The following PCDHA7 variants were observed in gnomAD, a reference collection of about 807,000 sequenced individuals.
The protein encoded by PCDHA7 is protocadherin alpha 7.
PCDHA7 carries 37 observed loss-of-function variants against 57.2 expected under a neutral mutation model. The ratio of observed to expected loss-of-function variants is 0.65; its 90% CI spans 0.50 to 0.85. The LOEUF (loss-of-function observed/expected upper bound fraction) is 0.85. PCDHA7 is among the 40% of genes least tolerant of loss of function. The pLI is 0.00. For missense variants in PCDHA7, 1,188 were observed against 1,241.8 expected (o/e 0.96, Z 0.65); for synonymous variants, 553 against 558.8 (o/e 0.99, Z 0.15).
At chr5:140,884,378 A>G (rs781954919) in intron 1 of PCDHA7, 3 of 1,613,952 alleles carry the variant, frequency 1.9e-6, no homozygotes, top group Non-Finnish European at 2.5e-6. Flanking sequence ...GATCATTGCC[A>G]TCTGCGCGGT....
At chr5:140,875,636 A>G (rs574545388) in intron 1 of PCDHA7, 3 of 1,613,606 alleles carry the variant, frequency 1.9e-6, no homozygotes, top group African/African-American at 1.3e-5. Context: ...CTGGGGCTGG[A>G]GCTGGCGGAG....
intron 1 of PCDHA7, chr5:140,851,862 A>G: frequency 2.0e-6 from 2 of 976,238 alleles, no homozygotes; most frequent in Non-Finnish European, 2.5e-6. Context: ...CAGCTCATAC[A>G]TAACACAAGG....
intron 3 of PCDHA7, among the ~76,000 whole-genome samples, chr5:140,997,463 C>A (rs2097770932): frequency 6.6e-6 from 1 of 152,198 alleles, no homozygotes; most frequent in Admixed American, 6.5e-5. Context: ...ATACTGTAGG[C>A]AATTTTTACA....
At chr5:140,995,214 CTCT>C (rs1563606225) in intron 3 of PCDHA7, among the ~76,000 whole-genome samples, 1 of 152,136 alleles carries the variant, frequency 6.6e-6, no homozygotes, top group East Asian at 1.9e-4. Flanking sequence ...AGGCACAATA[CTCT>C]TGTGCTTTGG....
chr5:140,866,148 A>G (rs1031440226), intron 1 of PCDHA7: 4 of 152,180 alleles, frequency 2.6e-5, no homozygotes, highest in South Asian at 4.1e-4. Flanking sequence ...TGGAAGTGAT[A>G]TAAGTAAGAA....
intron 1 of PCDHA7, among the ~76,000 whole-genome samples, chr5:140,902,016 T>C (rs541579348): frequency 1.3e-5 from 2 of 152,274 alleles, no homozygotes; most frequent in South Asian, 4.1e-4. Context: ...TTGGGACATA[T>C]AGAAATACTA....
At chr5:140,862,765 T>A in intron 1 of PCDHA7, 1 of 576,704 alleles carries the variant, frequency 1.7e-6, no homozygotes. Context: ...CGGCAAGAGG[T>A]ACGCGTTGCA....
chr5:140,837,564 A>G, intron 1 of PCDHA7, among the ~76,000 whole-genome samples: 1 of 152,062 alleles, frequency 6.6e-6, no homozygotes, highest in South Asian at 2.1e-4. Context: ...ATATAAATAT[A>G]TTTACAATCA....
chr5:140,848,986 AGAACGCC>A (rs2040724980), intron 1 of PCDHA7: 1 of 1,597,958 alleles, frequency 6.3e-7, no homozygotes, highest in African/African-American at 1.4e-5. Flanking sequence ...GATATCGGGG[AGAACGCC>A]CTGCTCACTT....
At chr5:140,848,866 A>G (rs200652127) in intron 1 of PCDHA7, 6 of 1,590,776 alleles carry the variant, frequency 3.8e-6, no homozygotes, top group Admixed American at 1.7e-5. Flanking sequence ...GTGGAGGTGA[A>G]GGACATTAAC....
intron 1 of PCDHA7, chr5:140,929,117 T>C (rs1554206704): frequency 1.9e-6 from 3 of 1,614,160 alleles, no homozygotes; most frequent in African/African-American, 2.7e-5. Context: ...TCAGCCACCA[T>C]AGATGTCACT....
At chr5:141,003,467 A>G (rs1262411574) in intron 3 of PCDHA7, among the ~76,000 whole-genome samples, 1 of 152,036 alleles carries the variant, frequency 6.6e-6, no homozygotes, top group Non-Finnish European at 1.5e-5. Context: ...GTGCACCACC[A>G]CAGTCTCGCT....
intron 1 of PCDHA7, chr5:140,863,708 A>G: frequency 3.5e-6 from 1 of 284,690 alleles, no homozygotes; most frequent in Non-Finnish European, 6.9e-6. Flanking sequence ...TTTAAAGTAC[A>G]CTGGGGCCGG....
chr5:140,866,976 C>T (rs2049689450), intron 1 of PCDHA7: 2 of 152,224 alleles, frequency 1.3e-5, no homozygotes, highest in East Asian at 1.9e-4. Context: ...TCTGAAATAT[C>T]ACAGCCAAAA....
intron 1 of PCDHA7, chr5:140,858,050 C>G: frequency 6.3e-7 from 1 of 1,597,552 alleles, no homozygotes; most frequent in Non-Finnish European, 8.6e-7. Flanking sequence ...GCTTGTGTCG[C>G]TTGTGGAGGG....
chr5:140,887,023 A>T (rs561705710), intron 1 of PCDHA7, among the ~76,000 whole-genome samples: 3 of 152,050 alleles, frequency 2.0e-5, no homozygotes, highest in South Asian at 2.1e-4. Flanking sequence ...TGCCTGAAAA[A>T]TTTCTTTAAT....
intron 1 of PCDHA7, among the ~76,000 whole-genome samples, chr5:140,964,119 TAAC>T (rs146855097): frequency 0.014 from 2,059 of 152,320 alleles, 49 homozygotes; most frequent in African/African-American, 0.047. Context: ...AATCACATTC[TAAC>T]AACTAGTAAG....
chr5:140,958,997 A>C (rs1356032687), intron 1 of PCDHA7, among the ~76,000 whole-genome samples: 1 of 152,076 alleles, frequency 6.6e-6, no homozygotes, highest in African/African-American at 2.4e-5. Context: ...CTAATCTTTT[A>C]CTGTACCTAA....
chr5:140,874,624 A>G (rs1554167312), intron 1 of PCDHA7, among the ~76,000 whole-genome samples: 3 of 152,242 alleles, frequency 2.0e-5, no homozygotes, highest in African/African-American at 2.4e-5. Flanking sequence ...AACATTTTAC[A>G]TTAAAGTGCT....
Sources: gnomAD v4.1 joint callset for allele counts (sites outside exome capture counted in the v4.1 genomes callset) on GRCh38, gnomAD v4.1.1 for gene constraint, MANE v1.5 for transcripts, NCBI Gene and HGNC (gene_info 2026-07-23, HGNC 2026-07-21) for gene names.